Variants in NTM observed in about 807,000 individuals in gnomAD.
NTM encodes neurotrimin.
A neutral mutation model predicts 42.1 loss-of-function variants in NTM; 13 were observed. That is an observed-to-expected ratio of 0.31 (90% confidence interval 0.20 to 0.49). The LOEUF (loss-of-function observed/expected upper bound fraction) is 0.49. Among genes scored for constraint, NTM ranks in the 20% least tolerant of loss-of-function variants. The pLI is 0.99. For synonymous variants in NTM, 187 were observed against 179.2 expected (o/e 1.04, Z -0.35); for missense variants, 373 against 452.8 (o/e 0.82, Z 1.60).
chr11:132,250,727 T>C (rs2091851354), intron 4 of NTM, among the ~76,000 whole-genome samples: 1 of 152,202 alleles, frequency 6.6e-6, no homozygotes, highest in South Asian at 2.1e-4. Flanking sequence ...CTTTTTTTCC[T>C]CAAATATGCT....
At chr11:132,181,955 T>TTTATTATTATTATTATTA (rs56263428) in intron 3 of NTM, among the ~76,000 whole-genome samples, 145 of 141,008 alleles carry the variant, frequency 1.0e-3, no homozygotes, top group Non-Finnish European at 1.5e-3. Flanking sequence ...CACTATCTAG[T>TTTATTATTATTATTATTA]TTATTATTAT....
At chr11:132,016,460 C>A (rs1214818921) in intron 2 of NTM, among the ~76,000 whole-genome samples, 1 of 126,614 alleles carries the variant, frequency 7.9e-6, no homozygotes, top group Non-Finnish European at 2.0e-5. Flanking sequence ...CATCTGACTT[C>A]TTTTCATGTT....
At chr11:131,606,538 C>T (rs1315119779) in intron 1 of NTM, among the ~76,000 whole-genome samples, 1 of 152,158 alleles carries the variant, frequency 6.6e-6, no homozygotes, top group Non-Finnish European at 1.5e-5. Flanking sequence ...ACAGCGATGA[C>T]AGTAATGGGT....
chr11:131,521,773 A>C (rs907584378), intron 1 of NTM, among the ~76,000 whole-genome samples: 1 of 152,086 alleles, frequency 6.6e-6, no homozygotes, highest in African/African-American at 2.4e-5. Flanking sequence ...TCAGCTGTCC[A>C]AACTAGAGCA....
intron 3 of NTM, among the ~76,000 whole-genome samples, chr11:132,192,974 C>A (rs889623169): frequency 6.6e-6 from 1 of 152,064 alleles, no homozygotes; most frequent in African/African-American, 2.4e-5. Flanking sequence ...ATGTACAAAC[C>A]CAAAATCAGA....
chr11:131,794,833 G>T, intron 1 of NTM: 6 of 985,386 alleles, frequency 6.1e-6, no homozygotes, highest in Non-Finnish European at 7.2e-6. Flanking sequence ...TAAAGAAAAA[G>T]CCCAGGCAGA....
intron 2 of NTM, among the ~76,000 whole-genome samples, chr11:132,113,900 C>T (rs2063546857): frequency 6.6e-6 from 1 of 152,144 alleles, no homozygotes; most frequent in African/African-American, 2.4e-5. Context: ...GCTTTCAGCC[C>T]CACTGATGGC....
At chr11:131,428,924 G>A (rs1948423141) in intron 1 of NTM, among the ~76,000 whole-genome samples, 1 of 151,006 alleles carries the variant, frequency 6.6e-6, no homozygotes. Flanking sequence ...GCCTGGTGGT[G>A]GTTACCTGTA....
intron 1 of NTM, among the ~76,000 whole-genome samples, chr11:131,825,219 A>G (rs542053061): frequency 6.6e-5 from 10 of 151,934 alleles, no homozygotes; most frequent in African/African-American, 2.2e-4. Context: ...CTGTGCCCAA[A>G]TCTCCCCTTT....
At chr11:131,980,242 A>C (rs559077464) in intron 2 of NTM, among the ~76,000 whole-genome samples, 1 of 152,322 alleles carries the variant, frequency 6.6e-6, no homozygotes, top group African/African-American at 2.4e-5. Flanking sequence ...TGAAACATTA[A>C]GTCGGCTTTC....
intron 1 of NTM, among the ~76,000 whole-genome samples, chr11:131,789,829 G>C (rs769895536): frequency 2.7e-5 from 4 of 150,802 alleles, no homozygotes; most frequent in African/African-American, 4.9e-5. Context: ...GGTGGCGGGA[G>C]CCTGTAGTCC....
chr11:131,691,136 TGCA>T (rs1370983984), intron 1 of NTM, among the ~76,000 whole-genome samples: 1 of 152,126 alleles, frequency 6.6e-6, no homozygotes, highest in Non-Finnish European at 1.5e-5. Flanking sequence ...AAGCAAAGCC[TGCA>T]GCCCCCGGAG....
At position 131,789,490 on chromosome 11, in the gene NTM, GAGGAAA is replaced by G. The variant is rs1565550877; in HGVS notation, c.83-122073_83-122068del. On this transcript the variant is annotated intron_variant, in intron 1 of 8. Coordinates refer to ENST00000683400, the MANE Select transcript of NTM (RefSeq NM_001352005.2). ...AGAAGAAGAAGAAGAAGAAGAAGAA[GAGGAAA>G]GAAGAAGAAGAAGAAGAAGAAGAAG... Among the ~76,000 whole-genome samples the G allele has an allele frequency of 6.4e-3, 31 of 4,832 alleles. 4 individuals carry two copies. The highest frequency in any genetic ancestry group is 0.014 in the East Asian group (3 of 208). 3.2% of individuals were successfully genotyped at this position (4,832 alleles called of 152,430 possible).
chr11:132,165,882 C>T (rs11222959), intron 3 of NTM, among the ~76,000 whole-genome samples: 4 of 152,036 alleles, frequency 2.6e-5, no homozygotes, highest in Non-Finnish European at 4.4e-5. Flanking sequence ...ATATTTCATG[C>T]TTTAATTTAA....
At chr11:131,957,056 T>C (rs1161406634) in intron 2 of NTM, among the ~76,000 whole-genome samples, 1 of 152,220 alleles carries the variant, frequency 6.6e-6, no homozygotes, top group Non-Finnish European at 1.5e-5. Context: ...ATCTCTAATA[T>C]GCATATTTAG....
At chr11:132,039,662 T>A (rs1360527097) in intron 2 of NTM, among the ~76,000 whole-genome samples, 1 of 152,048 alleles carries the variant, frequency 6.6e-6, no homozygotes, top group Non-Finnish European at 1.5e-5. Flanking sequence ...GGCTGGGAAC[T>A]TAATGGGCAG....
At chr11:132,031,119 C>T (rs905187520) in intron 2 of NTM, among the ~76,000 whole-genome samples, 11 of 152,296 alleles carry the variant, frequency 7.2e-5, no homozygotes, top group Admixed American at 4.6e-4. Flanking sequence ...AGCCAAGCTC[C>T]AAACACAGTG....
At chr11:132,018,010 G>T (rs1565955650) in intron 2 of NTM, among the ~76,000 whole-genome samples, 1 of 151,906 alleles carries the variant, frequency 6.6e-6, no homozygotes. Flanking sequence ...AGTTCTAATA[G>T]TTTTTTGTGC....
intron 4 of NTM, among the ~76,000 whole-genome samples, chr11:132,272,416 G>A (rs866892593): frequency 6.6e-6 from 1 of 152,036 alleles, no homozygotes; most frequent in South Asian, 2.1e-4. Flanking sequence ...CAGCAAAGAA[G>A]CCAGCTGTTA....
Sources: gnomAD v4.1 joint callset for allele counts (sites outside exome capture counted in the v4.1 genomes callset) on GRCh38, gnomAD v4.1.1 for gene constraint, MANE v1.5 for transcripts, NCBI Gene and HGNC (gene_info 2026-07-23, HGNC 2026-07-21) for gene names.